The following CREB5 variants were observed in gnomAD, a reference collection of about 807,000 sequenced individuals.
CREB5 encodes the protein cAMP responsive element binding protein 5, also known as cyclic AMP-responsive element-binding protein 5.
A neutral mutation model predicts 57.1 loss-of-function variants in CREB5; 19 were observed. That is an observed-to-expected ratio of 0.33 (90% CI 0.23 to 0.49). CREB5 has a LOEUF of 0.49. Among genes scored for constraint, CREB5 ranks in the 20% least tolerant of loss-of-function variants. The probability of loss-of-function intolerance (pLI) is 0.99; values close to 1 mark genes in which losing one functional copy is unlikely to be tolerated. For missense variants in CREB5, 579 were observed against 671.6 expected (o/e 0.86, Z 1.52); for synonymous variants, 238 against 238.3 (o/e 1.00, Z 0.01).
chr7:28,749,289 T>G (rs1039076476), intron 7 of CREB5: 10 of 152,244 alleles, frequency 6.6e-5, no homozygotes, highest in African/African-American at 2.4e-4. Context: ...TTTAATAATA[T>G]CTTAGCCCCT....
In CREB5 at chr7:28,340,032, T is replaced by C. The variant is rs192286733; in HGVS notation, c.-25+40591T>C. ...CGGGTGGAGGACTTACCCCTCAGGG[T>C]AGTGGGTTCCACTCTGGCCCAAGGC... On this transcript the variant is annotated intron_variant, in intron 1 of 9. Transcript: ENST00000396299. 7.9e-5 allele frequency among the ~76,000 whole-genome samples: 12 copies of C among 152,272 alleles called. No homozygotes were observed. The East Asian group carries it at 2.1e-3, about 27-fold the overall frequency.
intron 1 of CREB5, among the ~76,000 whole-genome samples, chr7:28,381,272 G>A (rs949810226): frequency 6.6e-6 from 1 of 152,186 alleles, no homozygotes; most frequent in Non-Finnish European, 1.5e-5. Flanking sequence ...CCCCAAGGAG[G>A]GAAGGGAGCC....
chr7:28,431,428 A>C (rs1788710456), intron 1 of CREB5, among the ~76,000 whole-genome samples: 1 of 152,208 alleles, frequency 6.6e-6, no homozygotes, highest in Non-Finnish European at 1.5e-5. Context: ...AAGATAGACA[A>C]GGAAAATTGG....
chr7:28,387,858 C>T (rs920858155), intron 1 of CREB5, among the ~76,000 whole-genome samples: 3 of 151,956 alleles, frequency 2.0e-5, no homozygotes, highest in Non-Finnish European at 4.4e-5. Context: ...TTTGAGAGTA[C>T]CTTATTACTT....
chr7:28,569,627 C>A (rs1795617752), intron 4 of CREB5, among the ~76,000 whole-genome samples: 1 of 152,084 alleles, frequency 6.6e-6, no homozygotes, highest in Non-Finnish European at 1.5e-5. Context: ...GTCCAAGCAC[C>A]ACGGGATAGA....
chr7:28,815,391 C>T (rs554589269), intron 9 of CREB5, among the ~76,000 whole-genome samples: 1 of 152,296 alleles, frequency 6.6e-6, no homozygotes, highest in South Asian at 2.1e-4. Flanking sequence ...AACACTCAGG[C>T]CTTTGGTCTC....
At chr7:28,721,518 A>C (rs960236547) in intron 6 of CREB5, among the ~76,000 whole-genome samples, 1 of 152,190 alleles carries the variant, frequency 6.6e-6, no homozygotes, top group Non-Finnish European at 1.5e-5. Flanking sequence ...TCTGCCCTGG[A>C]AGACCACAGT....
chr7:28,440,764 G>A (rs1789154513), intron 1 of CREB5, among the ~76,000 whole-genome samples: 1 of 152,164 alleles, frequency 6.6e-6, no homozygotes, highest in Non-Finnish European at 1.5e-5. Context: ...TTTATCAACT[G>A]CACACAAGAC....
chr7:28,628,109 C>T (rs1267266063), intron 5 of CREB5, among the ~76,000 whole-genome samples: 1 of 151,972 alleles, frequency 6.6e-6, no homozygotes. Flanking sequence ...CAGCCAGTTC[C>T]TCTTCTTACT....
chr7:28,355,552 C>A (rs1204487558), intron 1 of CREB5, among the ~76,000 whole-genome samples: 2 of 152,026 alleles, frequency 1.3e-5, no homozygotes, highest in African/African-American at 4.8e-5. Context: ...GCAGTGGAGC[C>A]TGTTATATTT....
rs564268253 is a variant in CREB5 at position 28,609,032 on chromosome 7, C to T, written c.464+38495C>T. The T allele has an allele frequency of 7.9e-5, 12 of 152,288 alleles. No homozygotes were observed. The East Asian group carries it at 2.1e-3, about 27-fold the overall frequency. 9.4% of individuals were successfully genotyped at this position (152,288 alleles called of 1,614,324 possible). The stretch of plus-strand genomic sequence containing the variant: ...TTGTAATAAGAAAGTCAAAGAACTC[C>T]TCTTGGAGCTTACCATCTAAGGCAG... On this transcript the variant is annotated intron_variant, in intron 5 of 10. Coordinates refer to ENST00000357727, the MANE Select transcript of CREB5 (RefSeq NM_182898.4).
At chr7:28,575,917 G>A (rs770938939) in intron 5 of CREB5, among the ~76,000 whole-genome samples, 30 of 151,808 alleles carry the variant, frequency 2.0e-4, no homozygotes, top group Admixed American at 4.6e-4. Context: ...TGTGTGGAAC[G>A]AAACATAAAG....
chr7:28,641,880 C>A (rs552470999), intron 5 of CREB5, among the ~76,000 whole-genome samples: 3 of 152,318 alleles, frequency 2.0e-5, no homozygotes, highest in Admixed American at 2.0e-4. Flanking sequence ...ACCAGAAATA[C>A]ACACACAGCA....
chr7:28,642,973 C>CAG (rs144235192), intron 5 of CREB5, among the ~76,000 whole-genome samples: 1 of 122,442 alleles, frequency 8.2e-6, no homozygotes, highest in East Asian at 2.8e-4. Context: ...CACACACACA[C>CAG]ACACACACAC....
chr7:28,810,697 A>ATAAT (rs1809064113), intron 9 of CREB5, among the ~76,000 whole-genome samples: 1 of 151,240 alleles, frequency 6.6e-6, no homozygotes, highest in Non-Finnish European at 1.5e-5. Context: ...CTGTCTCAAA[A>ATAAT]AAATAAATAA....
At chr7:28,409,813 C>CT (rs1357742264), upstream of CREB5, 1 of 449,580 alleles carries the variant, frequency 2.2e-6, no homozygotes, top group Non-Finnish European at 4.5e-6. The surrounding 1 kb of genome is among the most constrained non-coding windows in gnomAD (Gnocchi z 4.4). Flanking sequence ...CCGAGTCCGC[C>CT]CGGCGTGCGT....
chr7:28,445,670 G>C (rs1789415911), intron 1 of CREB5, among the ~76,000 whole-genome samples: 1 of 151,980 alleles, frequency 6.6e-6, no homozygotes, highest in African/African-American at 2.4e-5. Context: ...TCCTGCCTCA[G>C]CCTCCCGAGT....
chr7:28,306,103 G>A (rs962475663), intron 1 of CREB5, among the ~76,000 whole-genome samples: 4 of 152,158 alleles, frequency 2.6e-5, no homozygotes, highest in African/African-American at 9.7e-5. Context: ...ACCTGTTTGA[G>A]AAAGCCAGAC....
chr7:28,635,179 G>A (rs984133632), intron 5 of CREB5, among the ~76,000 whole-genome samples: 2 of 152,298 alleles, frequency 1.3e-5, no homozygotes, highest in East Asian at 3.9e-4. Flanking sequence ...TGAAGGCAAG[G>A]AGGAGGCTTG....
Sources: gnomAD v4.1 joint callset for allele counts (sites outside exome capture counted in the v4.1 genomes callset) on GRCh38, gnomAD v4.1.1 for gene constraint, Gnocchi (gnomAD v3.1) non-coding constraint, MANE v1.5 for transcripts, NCBI Gene and HGNC (gene_info 2026-07-23, HGNC 2026-07-21) for gene names.